Variants in PDZD9 observed in about 807,000 individuals in gnomAD.
The protein encoded by PDZD9 is PDZ domain containing 9.
Under a neutral mutation model 16.3 loss-of-function variants are expected in PDZD9, and 13 were observed. The ratio of observed to expected loss-of-function variants is 0.80; its 90% CI spans 0.52 to 1.27. The LOEUF is 1.27. Among genes scored for constraint, PDZD9 ranks in the 50% most tolerant of loss-of-function variants. PDZD9 has a pLI of 0.00. For synonymous variants in PDZD9, 120 were observed against 111.0 expected (o/e 1.08, Z -0.51); for missense variants, 288 against 310.9 (o/e 0.93, Z 0.55).
chr16:21,984,044 G>A lies in PDZD9; in HGVS notation c.*223C>T, dbSNP rs1597973538. On this transcript the variant is annotated 3_prime_UTR_variant, in exon 4 of 4. Coordinates refer to ENST00000424898, the MANE Select transcript of PDZD9 (RefSeq NM_001363519.1). ...AAAGAAAGAAATTCTTCTCAAAAAG[G>A]AGGGTCTTATTCTGAAAATAAGATT... The A allele has an allele frequency of 4.8e-6, 2 of 419,774 alleles. No individual in the cohort carries two copies. The highest frequency in any genetic ancestry group is 7.2e-5 in the East Asian group (2 of 27,950). 26.0% of individuals were successfully genotyped at this position (419,774 alleles called of 1,614,324 possible).
the PDZD9 span, among the ~76,000 whole-genome samples, chr16:21,962,009 C>T: frequency 6.6e-6 from 1 of 152,094 alleles, no homozygotes; most frequent in African/African-American, 2.4e-5. Flanking sequence ...CCATCACCAA[C>T]ATTCAGCTCC....
At chr16:21,996,708 G>C (rs1288774370) in intron 1 of PDZD9, among the ~76,000 whole-genome samples, 1 of 152,130 alleles carries the variant, frequency 6.6e-6, no homozygotes, top group African/African-American at 2.4e-5. Flanking sequence ...TGCAGAGTCT[G>C]GCATATTGTG....
chr16:21,996,613 C>G lies in PDZD9; in HGVS notation c.32-112G>C. ...GGACAGTTATTTAATCCCTGTTCCT[C>G]AGATTCCTTGTCAGTAAAATGAGGA... On this transcript the variant is annotated intron_variant, in intron 1 of 3. Transcript: ENST00000424898. 9 of 1,026,756 alleles carry G rather than the reference C, an allele frequency of 8.8e-6. No individual in the cohort carries two copies. In the South Asian group the frequency reaches 1.6e-4, roughly 18 times the overall value. 63.6% of individuals were successfully genotyped at this position (1,026,756 alleles called of 1,614,324 possible). A position where few individuals can be genotyped will look rare whatever the true frequency, so the allele number is the denominator to read the frequency against.
At chr16:21,973,464 T>C in the PDZD9 span, among the ~76,000 whole-genome samples, 1 of 152,076 alleles carries the variant, frequency 6.6e-6, no homozygotes, top group African/African-American at 2.4e-5. Flanking sequence ...TAAGCAGAAA[T>C]TTTTCTCTAA....
the PDZD9 span, chr16:21,976,380 A>G: frequency 7.1e-6 from 5 of 706,282 alleles, no homozygotes; most frequent in Admixed American, 5.4e-5. Flanking sequence ...ACATACCCAT[A>G]TCCTACCACC....
the PDZD9 span, among the ~76,000 whole-genome samples, chr16:21,964,870 C>G: frequency 6.6e-6 from 1 of 152,154 alleles, no homozygotes; most frequent in African/African-American, 2.4e-5. Flanking sequence ...AGGTAATGAG[C>G]AACTGAAGGA....
chr16:21,962,206 G>C, the PDZD9 span: 1 of 476,428 alleles, frequency 2.1e-6, no homozygotes, highest in Non-Finnish European at 3.8e-6. Context: ...ATTATCCTTA[G>C]CATAATGTCC....
downstream of PDZD9, chr16:21,980,545 AG>A: frequency 6.2e-7 from 1 of 1,612,424 alleles, no homozygotes. Flanking sequence ...TTTATTGGAC[AG>A]GAACAAGCTG....
the PDZD9 span, chr16:21,958,545 G>T: frequency 6.2e-7 from 1 of 1,612,178 alleles, no homozygotes; most frequent in Admixed American, 1.7e-5. Context: ...ACGACAAAAG[G>T]AGCTTCATCT....
chr16:21,996,154 A>T (rs1176912058), intron 2 of PDZD9, among the ~76,000 whole-genome samples, 168 bp downstream of exon 2: 1 of 151,794 alleles, frequency 6.6e-6, no homozygotes, highest in Non-Finnish European at 1.5e-5. Flanking sequence ...CAAACTCCTG[A>T]CCTTAAGTGA....
chr16:21,976,404 G>A, the PDZD9 span: 2 of 629,250 alleles, frequency 3.2e-6, no homozygotes, highest in Admixed American at 6.4e-5. Context: ...AGATATAATT[G>A]TTAACATTTT....
the PDZD9 span, chr16:21,971,456 GA>G: frequency 2.3e-6 from 3 of 1,322,006 alleles, no homozygotes; most frequent in Non-Finnish European, 3.2e-6. Context: ...TTAAAACAAG[GA>G]AAAAATATTT....
chr16:21,991,107 C>T (rs370164204), intron 2 of PDZD9, among the ~76,000 whole-genome samples: 86 of 152,276 alleles, frequency 5.6e-4, no homozygotes, highest in Middle Eastern at 3.4e-3. Flanking sequence ...GGCTAAGGAC[C>T]ATGTCTGTGC....
the PDZD9 span, chr16:21,965,327 G>T: frequency 7.4e-7 from 1 of 1,349,370 alleles, no homozygotes; most frequent in Admixed American, 1.8e-5. Context: ...AATTTGTATA[G>T]GCTTGTTGCT....
the PDZD9 span, among the ~76,000 whole-genome samples, chr16:21,978,008 A>C: frequency 6.6e-6 from 1 of 152,218 alleles, no homozygotes; most frequent in African/African-American, 2.4e-5. Flanking sequence ...ACTTAAGAAA[A>C]ACCTAAGTTT....
At chr16:21,994,415 T>G (rs776270574) in intron 2 of PDZD9, among the ~76,000 whole-genome samples, 16 of 152,206 alleles carry the variant, frequency 1.1e-4, no homozygotes, top group Non-Finnish European at 2.2e-4. Context: ...CCCCAACTCC[T>G]GGGCACAGTA....
rs1227782209 is a variant in PDZD9 at position 22,001,078 on chromosome 16, C to T, written c.-31G>A. The stretch of plus-strand genomic sequence containing the variant: ...CGGGAGGTCAGGCAGCCCGGGAGGG[C>T]CTCCCGGAGCAGAGGCTGGAGTCAG... On this transcript the variant is annotated 5_prime_UTR_variant, in exon 1 of 4. Coordinates refer to ENST00000424898, the MANE Select transcript of PDZD9 (RefSeq NM_001363519.1). The T allele has an allele frequency of 2.0e-6, 3 of 1,508,032 alleles. No homozygotes were observed. Among genetic ancestry groups the T allele is most frequent in the Non-Finnish European group, 1.8e-6 (2 of 1,133,650 alleles). 93.4% of individuals were successfully genotyped at this position (1,508,032 alleles called of 1,614,324 possible). A position where few individuals can be genotyped will look rare whatever the true frequency, so the allele number is the denominator to read the frequency against.
the PDZD9 span, chr16:21,973,830 C>T: frequency 1.3e-6 from 2 of 1,487,182 alleles, no homozygotes; most frequent in East Asian, 4.5e-5. Context: ...TCTAGGCAAA[C>T]TTAAAGAAAT....
the PDZD9 span, chr16:21,968,518 A>T: frequency 2.2e-6 from 2 of 913,830 alleles, no homozygotes; most frequent in Non-Finnish European, 3.2e-6. Context: ...CATTACAGCA[A>T]CTTATAAGGC....
Sources: gnomAD v4.1 joint callset for allele counts (sites outside exome capture counted in the v4.1 genomes callset) on GRCh38, gnomAD v4.1.1 for gene constraint, MANE v1.5 for transcripts, NCBI Gene and HGNC (gene_info 2026-07-23, HGNC 2026-07-21) for gene names.